Variants in SLC24A3 observed in about 807,000 individuals in gnomAD.
SLC24A3 encodes sodium/potassium/calcium exchanger 3.
Under a neutral mutation model 75.8 loss-of-function variants are expected in SLC24A3, and 28 were observed. The observed-to-expected ratio is 0.37, with a 90% CI of 0.27 to 0.51. The LOEUF is 0.51. Among genes scored for constraint, SLC24A3 ranks in the 20% least tolerant of loss-of-function variants. The pLI, the probability that SLC24A3 is intolerant of heterozygous loss-of-function variation, is 0.94. For synonymous variants in SLC24A3, 372 were observed against 334.1 expected (o/e 1.11, Z -1.24); for missense variants, 663 against 847.8 (o/e 0.78, Z 2.71).
chr20:19,272,527 C>A (rs983282311), intron 1 of SLC24A3, among the ~76,000 whole-genome samples: 1 of 152,192 alleles, frequency 6.6e-6, no homozygotes, highest in Non-Finnish European at 1.5e-5. Context: ...ATGTTGATGC[C>A]GCTGGTCTAG....
intron 2 of SLC24A3, among the ~76,000 whole-genome samples, chr20:19,305,528 C>T (rs527399829): frequency 6.6e-6 from 1 of 152,008 alleles, no homozygotes; most frequent in Non-Finnish European, 1.5e-5. Context: ...AGGATGTTTA[C>T]ACCAGGTATG....
intron 15 of SLC24A3, among the ~76,000 whole-genome samples, chr20:19,708,199 C>A (rs772682013): frequency 2.6e-5 from 4 of 152,136 alleles, no homozygotes; most frequent in Non-Finnish European, 4.4e-5. Context: ...CCAACCATCA[C>A]CTCCTCCAAG....
At chr20:19,428,691 A>T (rs1340691859) in intron 2 of SLC24A3, among the ~76,000 whole-genome samples, 1 of 152,216 alleles carries the variant, frequency 6.6e-6, no homozygotes, top group East Asian at 1.9e-4. Context: ...CCTAGATTGT[A>T]GTTCCGAGTT....
intron 2 of SLC24A3, among the ~76,000 whole-genome samples, chr20:19,436,051 A>G (rs1269503452): frequency 1.3e-5 from 2 of 152,176 alleles, no homozygotes; most frequent in Non-Finnish European, 2.9e-5. Context: ...AAATGCAAAT[A>G]GTGGAGATAA....
At chr20:19,538,911 C>T (rs1353136368) in intron 3 of SLC24A3, among the ~76,000 whole-genome samples, 1 of 152,184 alleles carries the variant, frequency 6.6e-6, no homozygotes, top group Non-Finnish European at 1.5e-5. Context: ...CAACAGAATG[C>T]TATGCAACAA....
At chr20:19,566,362 A>G (rs2030957555) in intron 3 of SLC24A3, among the ~76,000 whole-genome samples, 1 of 152,232 alleles carries the variant, frequency 6.6e-6, no homozygotes, top group African/African-American at 2.4e-5. Context: ...TCCAGTGAGC[A>G]GTGGGCCCTA....
chr20:19,684,445 C>T, intron 11 of SLC24A3, 109 bp downstream of exon 11: 2 of 1,235,274 alleles, frequency 1.6e-6, no homozygotes, highest in Non-Finnish European at 2.2e-6. Flanking sequence ...AAGTTTAACA[C>T]CGCAGCATCC....
intron 2 of SLC24A3, among the ~76,000 whole-genome samples, chr20:19,376,016 C>G (rs1485671164): frequency 6.6e-6 from 1 of 152,138 alleles, no homozygotes; most frequent in Non-Finnish European, 1.5e-5. Context: ...CGAGGACAGC[C>G]TGGCTTTGTT....
chr20:19,405,490 G>C (rs967053274), intron 2 of SLC24A3, among the ~76,000 whole-genome samples: 1 of 152,190 alleles, frequency 6.6e-6, no homozygotes, highest in Admixed American at 6.5e-5. Context: ...TTTTGAGTCA[G>C]GGAATAAACG....
At chr20:19,218,603 C>T (rs1568560348) in intron 1 of SLC24A3, among the ~76,000 whole-genome samples, 1 of 152,056 alleles carries the variant, frequency 6.6e-6, no homozygotes, top group Non-Finnish European at 1.5e-5. Flanking sequence ...ATAGATATGT[C>T]TCTTTCCTCT....
At chr20:19,664,456 G>A (rs1055388457) in intron 7 of SLC24A3, among the ~76,000 whole-genome samples, 9 of 152,186 alleles carry the variant, frequency 5.9e-5, no homozygotes, top group African/African-American at 1.9e-4. Context: ...GGCTTGTTGG[G>A]AAGAATGAGT....
At chr20:19,379,748 G>A (rs1052881100) in intron 2 of SLC24A3, among the ~76,000 whole-genome samples, 1 of 152,126 alleles carries the variant, frequency 6.6e-6, no homozygotes, top group Admixed American at 6.5e-5. Context: ...CAACAACAAT[G>A]ACAAACACCA....
At chr20:19,276,898 TA>T (rs543637377) in intron 1 of SLC24A3, among the ~76,000 whole-genome samples, 2,509 of 142,660 alleles carry the variant, frequency 0.018, 70 homozygotes, top group African/African-American at 0.056. Context: ...TGTCTCTAAT[TA>T]AAAAAAAAAA....
intron 15 of SLC24A3, among the ~76,000 whole-genome samples, chr20:19,714,828 A>G (rs925709362): frequency 2.6e-5 from 4 of 152,246 alleles, no homozygotes; most frequent in Non-Finnish European, 5.9e-5. Context: ...TTGGTTTAAC[A>G]GGATTCCTTT....
intron 9 of SLC24A3, among the ~76,000 whole-genome samples, chr20:19,679,962 TC>T (rs1172351226): frequency 2.0e-5 from 3 of 151,228 alleles, no homozygotes; most frequent in African/African-American, 7.3e-5. Context: ...GTTGATTATA[TC>T]CCATGATGTG....
chr20:19,223,941 A>G (rs1423413475), intron 1 of SLC24A3, among the ~76,000 whole-genome samples: 1 of 152,240 alleles, frequency 6.6e-6, no homozygotes, highest in Non-Finnish European at 1.5e-5. Context: ...ACAGAGCATG[A>G]CAACTTGAGA....
intron 2 of SLC24A3, among the ~76,000 whole-genome samples, chr20:19,501,264 T>C (rs1443913143): frequency 6.6e-6 from 1 of 152,224 alleles, no homozygotes; most frequent in Admixed American, 6.5e-5. Context: ...TTTATCATTT[T>C]CATCTTAACT....
intron 2 of SLC24A3, among the ~76,000 whole-genome samples, chr20:19,299,006 C>A (rs571988360): frequency 1.3e-5 from 2 of 152,302 alleles, no homozygotes; most frequent in South Asian, 4.1e-4. Flanking sequence ...AGGTAAAAGA[C>A]TGCAGGTGCT....
chr20:19,327,596 C>T (rs1321792400), intron 2 of SLC24A3, among the ~76,000 whole-genome samples: 1 of 152,178 alleles, frequency 6.6e-6, no homozygotes, highest in Admixed American at 6.5e-5. Flanking sequence ...TGTGGTTCTG[C>T]TCTGATGACT....
Sources: gnomAD v4.1 joint callset for allele counts (sites outside exome capture counted in the v4.1 genomes callset) on GRCh38, gnomAD v4.1.1 for gene constraint, MANE v1.5 for transcripts, NCBI Gene and HGNC (gene_info 2026-07-23, HGNC 2026-07-21) for gene names.